Variants in METTL4 observed in about 807,000 individuals in gnomAD.
METTL4 encodes N(6)-adenine-specific methyltransferase METTL4.
A neutral mutation model predicts 54.0 loss-of-function variants in METTL4; 40 were observed. The ratio of observed to expected loss-of-function variants is 0.74; its 90% CI spans 0.58 to 0.96. METTL4 has a LOEUF of 0.96. Ranked by LOEUF, METTL4 falls within the 50% of genes least tolerant of loss-of-function variation. The probability of loss-of-function intolerance (pLI) is 0.00; values close to 1 mark genes in which losing one functional copy is unlikely to be tolerated. For synonymous variants in METTL4, 169 were observed against 183.8 expected, an observed-to-expected ratio of 0.92 and a Z score of 0.65; for missense variants, 525 against 549.0, an observed-to-expected ratio of 0.96 and a Z score of 0.44.
intron 5 of METTL4, among the ~76,000 whole-genome samples, chr18:2,548,369 T>C (rs1175065609): frequency 2.2e-5 from 1 of 46,150 alleles, no homozygotes; most frequent in South Asian, 9.0e-4. Context: ...CATCCACCTT[T>C]GCAAAAAAAA....
At chr18:2,560,218 G>T (rs772065065) in intron 3 of METTL4, among the ~76,000 whole-genome samples, 1 of 151,762 alleles carries the variant, frequency 6.6e-6, no homozygotes, top group African/African-American at 2.4e-5. Flanking sequence ...TGTGCCCAGA[G>T]AAAAAGTCTC....
intron 8 of METTL4, 21 bp downstream of exon 8, chr18:2,544,174 T>C: frequency 6.4e-7 from 1 of 1,564,780 alleles, no homozygotes; most frequent in South Asian, 1.2e-5. Flanking sequence ...GTGATAACAA[T>C]TCTATTTTAT....
intron 5 of METTL4, among the ~76,000 whole-genome samples, chr18:2,550,136 T>C (rs2072132676): frequency 6.6e-6 from 1 of 152,226 alleles, no homozygotes; most frequent in African/African-American, 2.4e-5. Flanking sequence ...AAGGAACTAA[T>C]TTTGCTACAG....
At chr18:2,548,469 A>G (rs2072105414) in intron 5 of METTL4, among the ~76,000 whole-genome samples, 1 of 152,216 alleles carries the variant, frequency 6.6e-6, no homozygotes, top group Admixed American at 6.5e-5. Context: ...ATATTCAATA[A>G]GGACTTAAGC....
rs1285968845 is a variant in METTL4, at chr18:2,555,023, A to C, written c.475T>G (p.Leu159Val). 6.2e-7 allele frequency: 1 copy of C among 1,613,432 alleles called. No homozygotes were observed. The highest frequency in any genetic ancestry group is 1.3e-5 in the African/African-American group (1 of 74,936). ...TGGATCAACTGTAAAGATCCATCCA[A>C]AATCAGCTCCCTGATCTGTAAGAGA... ...EYHTKIRELI[L>V]DGSLQLIQEG... Residue 159 changes from leucine to valine, a missense_variant, in exon 4 of 9, where the codon TTG becomes GTG. Leu to Val is a conservative substitution (Grantham distance 32). Transcript: ENST00000574538.
chr18:2,554,807 G>A lies in METTL4; in HGVS notation c.691C>T (p.Gln231Ter), dbSNP rs745881227. 6.2e-7 allele frequency: 1 copy of A among 1,613,780 alleles called. No individual in the cohort carries two copies. The change falls in exon 4 of 9, where the codon CAG becomes TAG. Residue 231 changes from glutamine (Q) to a stop codon, truncating the protein, a stop_gained. Transcript: ENST00000574538. LOFTEE classifies it high-confidence loss of function. ...LVEEDTSVTE[Q>*]DLFLRVVENN... is the part of the protein sequence containing the mutation. ...TCAACAACTCGCAAAAATAAATCCTGTTCTGTAACAGATGTATCCTCTTCC... is the reference window on the plus strand; with the variant it reads ...TCAACAACTCGCAAAAATAAATCCTATTCTGTAACAGATGTATCCTCTTCC...
At chr18:2,541,707 G>C (rs1278500600) in intron 8 of METTL4, among the ~76,000 whole-genome samples, 1 of 150,648 alleles carries the variant, frequency 6.6e-6, no homozygotes, top group Non-Finnish European at 1.5e-5. Context: ...TACCAATGTG[G>C]TCTCCTACAT....
At chr18:2,542,506 A>T (rs2072007987) in intron 8 of METTL4, among the ~76,000 whole-genome samples, 1 of 152,158 alleles carries the variant, frequency 6.6e-6, no homozygotes, top group Non-Finnish European at 1.5e-5. Context: ...TTTCAGAATG[A>T]AAAGTTTATG....
intron 2 of METTL4, among the ~76,000 whole-genome samples, chr18:2,566,252 T>C (rs183266921): frequency 1.1e-4 from 16 of 152,136 alleles, no homozygotes; most frequent in Admixed American, 8.5e-4. Context: ...TACTAAAAGA[T>C]TGCACCAGTG....
intron 8 of METTL4, among the ~76,000 whole-genome samples, chr18:2,542,020 C>T (rs1300581442): frequency 1.3e-5 from 2 of 152,094 alleles, no homozygotes; most frequent in Admixed American, 1.3e-4. Flanking sequence ...TTTCCTATCA[C>T]TACTTAACCA....
intron 3 of METTL4, among the ~76,000 whole-genome samples, chr18:2,558,378 G>A (rs892105521): frequency 1.3e-5 from 2 of 152,190 alleles, no homozygotes; most frequent in Non-Finnish European, 2.9e-5. Flanking sequence ...ATAGGTCAAA[G>A]ATGAAATAAT....
intron 3 of METTL4, among the ~76,000 whole-genome samples, chr18:2,557,113 G>T (rs1003427551): frequency 6.6e-6 from 1 of 152,062 alleles, no homozygotes; most frequent in African/African-American, 2.4e-5. Flanking sequence ...GAGCCTGGAA[G>T]AATCCCTGAG....
In METTL4 at chr18:2,538,914, G is replaced by T; in HGVS notation, c.*86C>A. ...TGTTTATATTCTAAGAATATGGGTT[G>T]GTAACAAAATAAAAAAATGACTTAG... On this transcript the variant is annotated 3_prime_UTR_variant, in exon 9 of 9. Transcript: ENST00000574538. 2 of 1,426,262 alleles carry T rather than the reference G, an allele frequency of 1.4e-6. No individual in the cohort carries two copies. Among genetic ancestry groups the T allele is most frequent in the Non-Finnish European group, 1.9e-6 (2 of 1,042,112 alleles). 88.4% of individuals were successfully genotyped at this position (1,426,262 alleles called of 1,614,324 possible). A position where few individuals can be genotyped will look rare whatever the true frequency, so the allele number is the denominator to read the frequency against.
chr18:2,563,834 T>C lies in METTL4; in HGVS notation c.422A>G (p.Asn141Ser), dbSNP rs140786716. Residue 141 changes from asparagine to serine, a missense_variant, in exon 3 of 9, where the codon AAT becomes AGT. Coordinates refer to ENST00000574538, the MANE Select transcript of METTL4 (RefSeq NM_022840.5). ...GKKRKRCVVF[N>S]QGELDAMEYH... ...TTCCATAGCATCCAATTCACCTTGA[T>C]TGAAAACAACACATCTTTTACGCTT... The C allele has an allele frequency of 1.1e-5, 17 of 1,609,728 alleles. No homozygotes were observed. The highest frequency in any genetic ancestry group is 1.6e-4 in the Middle Eastern group (1 of 6,070).
At chr18:2,547,747 G>GT (rs2072093597) in intron 5 of METTL4, among the ~76,000 whole-genome samples, 1 of 122,398 alleles carries the variant, frequency 8.2e-6, no homozygotes, top group African/African-American at 3.1e-5. Context: ...TCGTCAGGCT[G>GT]TATTTTTTTT....
Position 2,544,763 on chromosome 18 carries a change from A to G in METTL4, c.1075-4T>C. 13 of 1,598,836 alleles carry G rather than the reference A, an allele frequency of 8.1e-6. No homozygotes were observed. The highest frequency in any genetic ancestry group is 1.3e-5 in the African/African-American group (1 of 74,508). ...CAAATTCTCCTGAATTGGTTATCTG[A>G]TAGGAAGGAGCCAACAAAAGAGGGT... On this transcript the variant is annotated splice_polypyrimidine_tract_variant and splice_region_variant and intron_variant, in intron 6 of 8. Transcript: ENST00000574538.
At chr18:2,565,237 C>T (rs1448782258) in intron 2 of METTL4, among the ~76,000 whole-genome samples, 2 of 151,996 alleles carry the variant, frequency 1.3e-5, no homozygotes, top group African/African-American at 2.4e-5. Context: ...CGAGATCACG[C>T]CACTGCGCTC....
At chr18:2,544,924 TA>T (rs751251906) in intron 6 of METTL4, among the ~76,000 whole-genome samples, 165 bp from the exon 7 acceptor site, 9,397 of 146,156 alleles carry the variant, frequency 0.064, 462 homozygotes, top group African/African-American at 0.14. Context: ...CCAAAAGAAG[TA>T]AAAAAAAAAA....
chr18:2,544,605 C>T (rs780429426), intron 7 of METTL4, 48 bp downstream of exon 7: 5 of 1,162,662 alleles, frequency 4.3e-6, no homozygotes, highest in Admixed American at 2.2e-5. Context: ...TTTTTAAAAG[C>T]GTAAAAATTA....
Sources: gnomAD v4.1 joint callset for allele counts (sites outside exome capture counted in the v4.1 genomes callset) on GRCh38, gnomAD v4.1.1 for gene constraint, MANE v1.5 for transcripts, NCBI Gene and HGNC (gene_info 2026-07-23, HGNC 2026-07-21) for gene names.